The following GFOD1 variants were observed in gnomAD, a reference collection of about 807,000 sequenced individuals.
GFOD1 encodes the protein Gfo/Idh/MocA-like oxidoreductase domain containing 1.
In GFOD1, 9 loss-of-function variants were observed where a neutral mutation model predicts 25.4. That is an observed-to-expected ratio of 0.35 (90% confidence interval 0.21 to 0.62). The LOEUF (loss-of-function observed/expected upper bound fraction) is 0.62, where lower values mean the gene tolerates loss of function less well. Among genes scored for constraint, GFOD1 ranks in the 20% least tolerant of loss-of-function variants. The pLI is 0.72. For synonymous variants in GFOD1, 253 were observed against 245.6 expected, an observed-to-expected ratio of 1.03 and a Z score of -0.28; for missense variants, 403 against 556.9, an observed-to-expected ratio of 0.72 and a Z score of 2.78.
intron 1 of GFOD1, among the ~76,000 whole-genome samples, chr6:13,423,859 G>T (rs1562214678): frequency 1.3e-5 from 2 of 151,856 alleles, no homozygotes; most frequent in African/African-American, 2.4e-5. Flanking sequence ...CTTTTTGTTT[G>T]TTTTTTTTGT....
Position 13,437,568 on chromosome 6 carries a change from G to A in GFOD1, c.253+49070C>T, listed in dbSNP as rs78096677. On this transcript the variant is annotated intron_variant, in intron 1 of 1. Coordinates refer to ENST00000379287, the MANE Select transcript of GFOD1 (RefSeq NM_018988.4). ...ATGTAAATAATTGCTTGTGACTAGC[G>A]GCTACTATGTTGGGCAGAACAGCTA... is the stretch of plus-strand genomic sequence containing the variant. Among the ~76,000 whole-genome samples the A allele has an allele frequency of 9.7e-3, 1,482 of 152,144 alleles. 23 individuals carry two copies. Among genetic ancestry groups the A allele is most frequent in the African/African-American group, 0.034 (1,398 of 41,492 alleles).
chr6:13,401,343 C>T (rs1420320993), intron 1 of GFOD1, among the ~76,000 whole-genome samples: 3 of 151,826 alleles, frequency 2.0e-5, no homozygotes, highest in Non-Finnish European at 4.4e-5. Context: ...TGAATCTGAG[C>T]CGTGTAGCAG....
At chr6:13,468,452 T>G (rs1758416250) in intron 1 of GFOD1, among the ~76,000 whole-genome samples, 1 of 152,246 alleles carries the variant, frequency 6.6e-6, no homozygotes, top group African/African-American at 2.4e-5. Flanking sequence ...TGAACACTAT[T>G]GTGCATGTAG....
At chr6:13,374,273 TTGTGTGTGTGTG>T (rs567594703) in intron 1 of GFOD1, among the ~76,000 whole-genome samples, 2 of 134,388 alleles carry the variant, frequency 1.5e-5, no homozygotes, top group Non-Finnish European at 3.1e-5. Flanking sequence ...TGTTTTTTTT[TTGTGTGTGTGTG>T]TGTGTGTGTG....
At chr6:13,472,321 C>T (rs1345023607) in intron 1 of GFOD1, among the ~76,000 whole-genome samples, 3 of 152,144 alleles carry the variant, frequency 2.0e-5, no homozygotes, top group East Asian at 1.9e-4. Flanking sequence ...TGGCTAATGG[C>T]TACCATACTG....
intron 1 of GFOD1, among the ~76,000 whole-genome samples, chr6:13,463,879 G>A (rs902145145): frequency 5.3e-5 from 8 of 152,132 alleles, no homozygotes; most frequent in African/African-American, 1.9e-4. Context: ...GGGTCTTGAG[G>A]TCAGTGAAAT....
Position 13,365,475 on chromosome 6 carries a change from C to T in GFOD1, c.441G>A (p.Glu147=). 1 of 1,613,734 alleles carries T rather than the reference C, an allele frequency of 6.2e-7. No individual in the cohort carries two copies. The highest frequency in any genetic ancestry group is 2.2e-5 in the East Asian group (1 of 44,866). Residue 147 remains glutamate (E), a synonymous_variant, in exon 2 of 2, where the codon GAG becomes GAA. Coordinates refer to ENST00000379287, the MANE Select transcript of GFOD1 (RefSeq NM_018988.4). The surrounding 1 kb of genome is among the most constrained non-coding windows in gnomAD (Gnocchi z 9.2). Reference sequence around the variant, plus strand: ...GCAGGCTGCCGCCGTGCACCTGCACCTCACACACCAGCGGCTCGCCCACGT... The same window carrying T: ...GCAGGCTGCCGCCGTGCACCTGCACTTCACACACCAGCGGCTCGCCCACGT... ...EGYVGEPLVC[E]VQVHGGSLLG... is the part of the protein sequence containing the mutation.
At chr6:13,377,753 T>C (rs371270226) in intron 1 of GFOD1, among the ~76,000 whole-genome samples, 1 of 152,174 alleles carries the variant, frequency 6.6e-6, no homozygotes, top group East Asian at 1.9e-4. Flanking sequence ...ACTCATTGTG[T>C]CACCTGCCTG....
At chr6:13,457,610 T>C (rs1399169142) in intron 1 of GFOD1, among the ~76,000 whole-genome samples, 1 of 152,226 alleles carries the variant, frequency 6.6e-6, no homozygotes, top group Admixed American at 6.5e-5. Flanking sequence ...AGAGCATGAC[T>C]GATTATTGAT....
intron 1 of GFOD1, among the ~76,000 whole-genome samples, chr6:13,444,607 T>G (rs895805507): frequency 6.6e-6 from 1 of 152,154 alleles, no homozygotes; most frequent in African/African-American, 2.4e-5. Context: ...TTCAATATTT[T>G]TATTGGGATT....
chr6:13,470,734 G>T, intron 1 of GFOD1: 2 of 1,415,112 alleles, frequency 1.4e-6, no homozygotes, highest in East Asian at 2.6e-5. Flanking sequence ...AGCCTGCCAG[G>T]GACACATTTA....
chr6:13,434,544 T>C, intron 1 of GFOD1, among the ~76,000 whole-genome samples: 1 of 152,142 alleles, frequency 6.6e-6, no homozygotes, highest in Non-Finnish European at 1.5e-5. Context: ...CAGGGCATTA[T>C]GGGAACACAG....
At position 13,358,587 on chromosome 6, in the gene GFOD1, C is replaced by T. The variant is rs1023075971; in HGVS notation, c.*6156G>A. 6.6e-6 allele frequency: 1 copy of T among 152,222 alleles called. No homozygotes were observed. The highest frequency in any genetic ancestry group is 2.4e-5 in the African/African-American group (1 of 41,458). The allele number at this position is 152,222 out of a possible 1,614,324, so 9.4% of individuals were successfully genotyped here. A position where few individuals can be genotyped will look rare whatever the true frequency, so the allele number is the denominator to read the frequency against. ...GCAAAGGAATGGGTCAGATCACAAG[C>T]TTTTGTTTTGTTTCTTAGCCTGGGA... On this transcript the variant is annotated 3_prime_UTR_variant, in exon 2 of 2. Coordinates refer to ENST00000379287, the MANE Select transcript of GFOD1 (RefSeq NM_018988.4).
In GFOD1 at chr6:13,487,242, G is replaced by A; in HGVS notation, c.-352C>T. The A allele has an allele frequency of 4.2e-6, 1 of 240,128 alleles. No individual in the cohort carries two copies. Among genetic ancestry groups the A allele is most frequent in the Non-Finnish European group, 7.9e-6 (1 of 126,390 alleles). The allele number at this position is 240,128 out of a possible 1,614,324, so 14.9% of individuals were successfully genotyped here. A position where few individuals can be genotyped will look rare whatever the true frequency, so the allele number is the denominator to read the frequency against. On this transcript the variant is annotated 5_prime_UTR_variant, in exon 1 of 2. Coordinates refer to ENST00000379287, the MANE Select transcript of GFOD1 (RefSeq NM_018988.4). The surrounding 1 kb of genome is among the most constrained non-coding windows in gnomAD (Gnocchi z 4.9). ...AGCGCCAGTCCGCTGCGTGCGCCCC[G>A]CCAAGGCCGCTCCATGGCCGGCTCA...
At chr6:13,367,025 T>C (rs888364487) in intron 1 of GFOD1, among the ~76,000 whole-genome samples, 6 of 151,978 alleles carry the variant, frequency 3.9e-5, no homozygotes, top group Non-Finnish European at 8.8e-5. Context: ...TATTAAAGTA[T>C]ACAATATAAT....
intron 1 of GFOD1, among the ~76,000 whole-genome samples, chr6:13,480,089 T>TC (rs1758714592): frequency 6.6e-6 from 1 of 152,082 alleles, no homozygotes; most frequent in East Asian, 1.9e-4. Flanking sequence ...GCAGCCCTCT[T>TC]CAACATGAAG....
chr6:13,409,814 C>G (rs1786037677), intron 1 of GFOD1, among the ~76,000 whole-genome samples: 1 of 151,664 alleles, frequency 6.6e-6, no homozygotes, highest in African/African-American at 2.4e-5. Flanking sequence ...CCCAGCTACT[C>G]CAGGAGGCTG....
chr6:13,381,896 A>C, intron 1 of GFOD1, among the ~76,000 whole-genome samples: 1 of 143,164 alleles, frequency 7.0e-6, no homozygotes, highest in South Asian at 2.2e-4. Context: ...TAAGAGAAAT[A>C]AAACACACAC....
At chr6:13,432,561 G>A (rs555393226) in intron 1 of GFOD1, among the ~76,000 whole-genome samples, 1 of 152,240 alleles carries the variant, frequency 6.6e-6, no homozygotes, top group South Asian at 2.1e-4. Context: ...GAGGGAGACA[G>A]GGTGAATTTC....
Sources: allele counts gnomAD v4.1 joint callset (sites outside exome capture counted in the v4.1 genomes callset), GRCh38; gene constraint gnomAD v4.1.1; non-coding constraint Gnocchi (gnomAD v3.1); transcripts MANE v1.5; gene names NCBI Gene and HGNC (gene_info 2026-07-23, HGNC 2026-07-21).